AOC2: variants seen among roughly 807,000 people sequenced by gnomAD.
The protein encoded by AOC2 is amine oxidase copper containing 2.
A neutral mutation model predicts 53.8 loss-of-function variants in AOC2; 57 were observed. That is an observed-to-expected ratio of 1.06 (90% confidence interval 0.86 to 1.32). The LOEUF is 1.32. AOC2 is among the 40% of genes most tolerant of loss of function. AOC2 has a pLI of 0.00. For missense variants in AOC2, 1,008 were observed against 957.2 expected (o/e 1.05, Z -0.70); for synonymous variants, 404 against 399.0 (o/e 1.01, Z -0.15).
rs776192407 is a variant in AOC2 at position 42,844,742 on chromosome 17, C to G, written c.116C>G (p.Ser39Cys). Residue 39 changes from serine (S) to cysteine (C), a missense_variant, in exon 1 of 4, where the codon TCT becomes TGT. Physicochemically the swap from Ser to Cys is moderately radical, Grantham distance 112 (BLOSUM62 -1). Coordinates refer to ENST00000253799, the MANE Select transcript of AOC2 (RefSeq NM_009590.4). The part of the protein sequence containing the change: ...GGSSQPPHCP[S>C]VSHRAQPWPH... ...TCCAGCCAGCCTCCCCACTGCCCCT[C>G]TGTATCCCATAGGGCCCAGCCCTGG... The G allele has an allele frequency of 6.2e-7, 1 of 1,614,144 alleles. No homozygotes were observed. The highest frequency in any genetic ancestry group is 8.5e-7 in the Non-Finnish European group (1 of 1,180,052).
intron 2 of AOC2, 36 bp downstream of exon 2, chr17:42,849,407 C>G (rs370732062): frequency 1.4e-5 from 23 of 1,599,444 alleles, no homozygotes; most frequent in Non-Finnish European, 2.0e-5. Context: ...AAGGAAAGGA[C>G]AGCCCCTCCC....
chr17:42,844,588 C>G lies in AOC2; in HGVS notation c.-39C>G. On this transcript the variant is annotated 5_prime_UTR_variant, in exon 1 of 4. Coordinates refer to ENST00000253799, the MANE Select transcript of AOC2 (RefSeq NM_009590.4). Reference sequence around the variant, plus strand: ...ACTTGATGTCAGTAACTGGAAGGAGCAGCTGTTAGAATTCTGATTTCAGCT... The same window carrying G: ...ACTTGATGTCAGTAACTGGAAGGAGGAGCTGTTAGAATTCTGATTTCAGCT... 6.4e-7 allele frequency: 1 copy of G among 1,571,044 alleles called. No individual in the cohort carries two copies. Among genetic ancestry groups the G allele is most frequent in the Non-Finnish European group, 8.7e-7 (1 of 1,152,868 alleles).
At chr17:42,850,059 C>T (rs1264811016) in intron 3 of AOC2, 23 bp from the exon 4 acceptor site, 3 of 1,608,958 alleles carry the variant, frequency 1.9e-6, no homozygotes, top group African/African-American at 2.7e-5. Flanking sequence ...CCATAGTCCT[C>T]CAGCTCCTCC....
chr17:42,849,985 T>A, intron 3 of AOC2, 97 bp from the exon 4 acceptor site: 2 of 1,507,222 alleles, frequency 1.3e-6, no homozygotes, highest in South Asian at 2.5e-5. Context: ...CTGGGGAGAG[T>A]GGAAGCCAGG....
Position 42,845,860 on chromosome 17 carries a change from G to C in AOC2, c.1234G>C (p.Gly412Arg), listed in dbSNP as rs757108897. The change falls in exon 1 of 4, where the codon GGC (glycine) becomes CGC (arginine). Residue 412 changes from glycine (G) to arginine (R), a missense_variant. Gly to Arg is a moderately radical substitution (Grantham distance 125). Coordinates refer to ENST00000253799, the MANE Select transcript of AOC2 (RefSeq NM_009590.4). Reference sequence around the variant, plus strand: ...GATGGTGGACATCCATATATTAGTGGGCAAAGGGGCAGTCCAGCTGCTTCC... The same window carrying C: ...GATGGTGGACATCCATATATTAGTGCGCAAAGGGGCAGTCCAGCTGCTTCC... ...ATMVDIHILV[G>R]KGAVQLLPGA... 9 of 1,614,106 alleles carry C rather than the reference G, an allele frequency of 5.6e-6. No homozygotes were observed. Among genetic ancestry groups the C allele is most frequent in the Non-Finnish European group, 7.6e-6 (9 of 1,180,022 alleles).
Position 42,850,272 on chromosome 17 carries a change from T to C in AOC2, c.2195T>C (p.Ile732Thr), listed in dbSNP as rs200537033. ...EKGQDAGLCSINPVACLPDLA... is the reference protein window; with the variant it reads ...EKGQDAGLCSTNPVACLPDLA... ...GGCCAGGATGCTGGGCTCTGCAGCA[T>C]CAATCCTGTGGCCTGCCTCCCCGAC... Residue 732 changes from isoleucine to threonine, a missense_variant, in exon 4 of 4, where the codon ATC (isoleucine) becomes ACC (threonine). Coordinates refer to ENST00000253799, the MANE Select transcript of AOC2 (RefSeq NM_009590.4). 1.7e-5 allele frequency: 27 copies of C among 1,614,178 alleles called. No individual in the cohort carries two copies. Among genetic ancestry groups the C allele is most frequent in the Non-Finnish European group, 2.3e-5 (27 of 1,180,022 alleles).
intron 3 of AOC2, 46 bp downstream of exon 3, chr17:42,849,776 C>A: frequency 6.2e-7 from 1 of 1,611,712 alleles, no homozygotes; most frequent in Non-Finnish European, 8.5e-7. Context: ...GTGGGCATGG[C>A]ATCTTGGCTG....
intron 1 of AOC2, among the ~76,000 whole-genome samples, chr17:42,847,633 T>C (rs2055609098): frequency 6.6e-6 from 1 of 152,106 alleles, no homozygotes; most frequent in South Asian, 2.1e-4. Flanking sequence ...TGGGTTTTCT[T>C]TTTTTGAGGC....
In AOC2 at chr17:42,850,325, C is replaced by G. The variant is rs376029073; in HGVS notation, c.2248C>G (p.Pro750Ala). ...GGCAGCCTGTGTCCCGGACTTACCC[C>G]CTTTCTCTTACCACGGCTTCTAGTC... is the stretch of plus-strand genomic sequence containing the variant. ...DLAACVPDLP[P>A]FSYHGF is the part of the protein sequence containing the mutation. The change falls in exon 4 of 4, where the codon CCT becomes GCT. Residue 750 changes from proline (P) to alanine (A), a missense_variant. Pro to Ala is a conservative substitution (Grantham distance 27). Coordinates refer to ENST00000253799, the MANE Select transcript of AOC2 (RefSeq NM_009590.4). 12 of 1,602,896 alleles carry G rather than the reference C, an allele frequency of 7.5e-6. No individual in the cohort carries two copies. The highest frequency in any genetic ancestry group is 1.3e-5 in the African/African-American group (1 of 74,822).
chr17:42,844,843 C>T lies in AOC2; in HGVS notation c.217C>T (p.Gln73Ter). 1 of 1,612,584 alleles carries T rather than the reference C, an allele frequency of 6.2e-7. No homozygotes were observed. The highest frequency in any genetic ancestry group is 1.3e-5 in the African/African-American group (1 of 75,004). The change falls in exon 1 of 4, where the codon CAG becomes TAG. Residue 73 changes from glutamine to a stop codon, truncating the protein, a stop_gained. Transcript: ENST00000253799. LOFTEE classifies it high-confidence loss of function. ...GACAGCTGTGATGCGCTTTCTGACC[C>T]AGCGGCTGGGGCCAGGGCTGGTGGA... ...ELTAVMRFLT[Q>*]RLGPGLVDAA...
intron 1 of AOC2, among the ~76,000 whole-genome samples, chr17:42,847,651 C>G (rs1053805994): frequency 6.6e-6 from 1 of 152,160 alleles, no homozygotes; most frequent in Non-Finnish European, 1.5e-5. Context: ...GGCAGTGTCT[C>G]ACTGTCACCC....
In AOC2 at chr17:42,846,054, T is replaced by C; in HGVS notation, c.1428T>C (p.Asn476=). 1 of 1,609,906 alleles carries C rather than the reference T, an allele frequency of 6.2e-7. No individual in the cohort carries two copies. Among genetic ancestry groups the C allele is most frequent in the Non-Finnish European group, 8.5e-7 (1 of 1,176,640 alleles). The part of the protein sequence containing the change: ...DYIWDFVLYP[N]GALEGRVHAT... ...TTTGGGACTTTGTGTTGTACCCAAA[T>C]GGGGCACTTGAAGGGCGGGTCCATG... Residue 476 remains asparagine, a synonymous_variant, in exon 1 of 4, where the codon AAT becomes AAC. Transcript: ENST00000253799.
In AOC2 at chr17:42,845,026, G is replaced by A. The variant is rs1204372782; in HGVS notation, c.400G>A (p.Val134Met). The A allele has an allele frequency of 1.2e-6, 2 of 1,613,894 alleles. No homozygotes were observed. The highest frequency in any genetic ancestry group is 1.1e-5 in the South Asian group (1 of 91,082). ...CTTTGGTGGACAACCCCAACCCAAT[G>A]TGAGTGAGCTGGTGGTGGGGCCGCT... is the stretch of plus-strand genomic sequence containing the variant. Reference protein sequence around the residue: ...VLFGGQPQPNVSELVVGPLPH... With the variant: ...VLFGGQPQPNMSELVVGPLPH... The change falls in exon 1 of 4, where the codon GTG (valine) becomes ATG (methionine). Residue 134 changes from valine (V) to methionine (M), a missense_variant. By Grantham distance (21) the Val-to-Met change is conservative. Coordinates refer to ENST00000253799, the MANE Select transcript of AOC2 (RefSeq NM_009590.4).
rs756474151 is a variant in AOC2 at position 42,850,251 on chromosome 17, A to G, written c.2174A>G (p.Gln725Arg). The G allele has an allele frequency of 6.8e-6, 11 of 1,614,206 alleles. 1 individual carries two copies. In the South Asian group the frequency reaches 1.1e-4, roughly 16 times the overall value. Reference protein sequence around the residue: ...SPGSVYFEKGQDAGLCSINPV... With the variant: ...SPGSVYFEKGRDAGLCSINPV... Reference sequence around the variant, plus strand: ...GGCAGTGTCTACTTTGAGAAGGGCCAGGATGCTGGGCTCTGCAGCATCAAT... The same window carrying G: ...GGCAGTGTCTACTTTGAGAAGGGCCGGGATGCTGGGCTCTGCAGCATCAAT... The change falls in exon 4 of 4, where the codon CAG becomes CGG. Residue 725 changes from glutamine (Q) to arginine (R), a missense_variant. By Grantham distance (43) the Gln-to-Arg change is conservative. Coordinates refer to ENST00000253799, the MANE Select transcript of AOC2 (RefSeq NM_009590.4).
At chr17:42,849,500 C>T (rs991088288) in intron 2 of AOC2, 101 bp from the exon 3 acceptor site, 37 of 1,590,748 alleles carry the variant, frequency 2.3e-5, no homozygotes, top group African/African-American at 1.5e-4. Flanking sequence ...GTTAGATACA[C>T]GGTGGGAAAT....
intron 1 of AOC2, among the ~76,000 whole-genome samples, chr17:42,848,548 T>TATATATATATATAC (rs2055617648): frequency 2.3e-5 from 3 of 131,098 alleles, no homozygotes; most frequent in African/African-American, 9.1e-5. Context: ...TATATATACA[T>TATATATATATATAC]ATATATATAT....
rs781198299 is a variant in AOC2 at position 42,845,179 on chromosome 17, C to T, written c.553C>T (p.Pro185Ser). ...MWRHLKEVELPKAPIFLSSTF... is the reference protein window; with the variant it reads ...MWRHLKEVELSKAPIFLSSTF... ...GAGGCATCTGAAAGAGGTGGAGCTA[C>T]CCAAGGCACCCATCTTCCTGTCGTC... Residue 185 changes from proline to serine, a missense_variant, in exon 1 of 4, where the codon CCC becomes TCC. Transcript: ENST00000253799. 50 of 1,613,682 alleles carry T rather than the reference C, an allele frequency of 3.1e-5. No homozygotes were observed. Among genetic ancestry groups the T allele is most frequent in the African/African-American group, 4.0e-5 (3 of 74,924 alleles).
At position 42,845,365 on chromosome 17, in the gene AOC2, GCCCTGGACCCTGCC is replaced by G. The variant is rs1567685037; in HGVS notation, c.741_754del (p.Pro250CysfsTer22). Reference sequence around the variant, plus strand: ...GCTGGAGCTACTACTGGACCACAGGGCCCTGGACCCTGCCCACTGGACTGTCCAGCAGGTCTTCT... The same window carrying G: ...GCTGGAGCTACTACTGGACCACAGGGCACTGGACTGTCCAGCAGGTCTTCT... On this transcript the variant is annotated frameshift_variant, in exon 1 of 4. Transcript: ENST00000253799. LOFTEE classifies it high-confidence loss of function. 6.2e-7 allele frequency: 1 copy of G among 1,614,178 alleles called. No homozygotes were observed. Among genetic ancestry groups the G allele is most frequent in the Non-Finnish European group, 8.5e-7 (1 of 1,180,018 alleles).
rs139821798 is a variant in AOC2 at position 42,845,690 on chromosome 17, A to G, written c.1064A>G (p.Tyr355Cys). ...DVRFQGERIAYEVSVQECVSI... is the reference protein window; with the variant it reads ...DVRFQGERIACEVSVQECVSI... ...CGGTTCCAGGGTGAGCGAATAGCCT[A>G]TGAAGTCAGTGTCCAGGAGTGTGTA... is the stretch of plus-strand genomic sequence containing the variant. The change falls in exon 1 of 4, where the codon TAT becomes TGT. Residue 355 changes from tyrosine to cysteine, a missense_variant. Transcript: ENST00000253799. 3.4e-4 allele frequency: 549 copies of G among 1,614,050 alleles called. No individual in the cohort carries two copies. The highest frequency in any genetic ancestry group is 4.5e-4 in the Non-Finnish European group (527 of 1,180,042).
Sources: allele counts gnomAD v4.1 joint callset (sites outside exome capture counted in the v4.1 genomes callset), GRCh38; gene constraint gnomAD v4.1.1; transcripts MANE v1.5; gene names NCBI Gene and HGNC (gene_info 2026-07-23, HGNC 2026-07-21).